Variants in ARNT2 observed in about 807,000 individuals in gnomAD.
ARNT2 encodes ARNT protein 2.
A neutral mutation model predicts 91.7 loss-of-function variants in ARNT2; 36 were observed. That is an observed-to-expected ratio of 0.39 (90% CI 0.30 to 0.52). The LOEUF (loss-of-function observed/expected upper bound fraction) is 0.52. ARNT2 is among the 20% of genes least tolerant of loss of function. The pLI is 0.72. For missense variants in ARNT2, 775 were observed against 939.3 expected (o/e 0.83, Z 2.29); for synonymous variants, 365 against 347.1 (o/e 1.05, Z -0.57).
intron 8 of ARNT2, among the ~76,000 whole-genome samples, chr15:80,533,259 C>G (rs1313678598): frequency 1.3e-5 from 2 of 152,154 alleles, no homozygotes; most frequent in East Asian, 3.8e-4. Flanking sequence ...GAAAGGGGAG[C>G]AGGGGCAGGT....
chr15:80,508,393 C>T (rs768145208), intron 6 of ARNT2, 135 bp downstream of exon 6: 5 of 719,456 alleles, frequency 6.9e-6, no homozygotes, highest in Non-Finnish European at 1.2e-5. Flanking sequence ...GTCTTCTTGA[C>T]CTCAGCATGC....
At chr15:80,538,021 A>G (rs1185034914) in intron 8 of ARNT2, among the ~76,000 whole-genome samples, 2 of 152,200 alleles carry the variant, frequency 1.3e-5, no homozygotes, top group Non-Finnish European at 2.9e-5. Context: ...ATGAAGGAAT[A>G]TTTATGTTGA....
intron 5 of ARNT2, among the ~76,000 whole-genome samples, chr15:80,476,893 C>G (rs184184825): frequency 6.6e-6 from 1 of 152,156 alleles, no homozygotes; most frequent in East Asian, 1.9e-4. Flanking sequence ...ATTGTAATTC[C>G]CAATGTTGGG....
At chr15:80,586,708 A>C (rs1385196276) in intron 17 of ARNT2, among the ~76,000 whole-genome samples, 2 of 152,108 alleles carry the variant, frequency 1.3e-5, no homozygotes, top group Non-Finnish European at 2.9e-5. Flanking sequence ...TCTACTAAAA[A>C]TACAAAAATT....
intron 4 of ARNT2, among the ~76,000 whole-genome samples, chr15:80,473,381 C>G (rs533866513): frequency 2.6e-5 from 4 of 152,176 alleles, no homozygotes; most frequent in African/African-American, 9.6e-5. Flanking sequence ...TAAGACCTCC[C>G]CACAGTCTTT....
intron 5 of ARNT2, among the ~76,000 whole-genome samples, chr15:80,476,049 A>G (rs981704340): frequency 3.3e-5 from 5 of 152,252 alleles, no homozygotes; most frequent in Admixed American, 6.5e-5. Flanking sequence ...ATAAAAACCT[A>G]TTATAAATGG....
In ARNT2 at chr15:80,407,423, G is replaced by T. The variant is rs1367456374; in HGVS notation, c.31+2877G>T. ...CCAAATTTGGAATCTGCTCCTTCAAGGTCCCCTGTTGGGGTTTTAGGTTAG... is the reference window on the plus strand; with the variant it reads ...CCAAATTTGGAATCTGCTCCTTCAATGTCCCCTGTTGGGGTTTTAGGTTAG... On this transcript the variant is annotated intron_variant, in intron 1 of 18. Coordinates refer to ENST00000303329, the MANE Select transcript of ARNT2 (RefSeq NM_014862.4). Among the ~76,000 whole-genome samples the T allele has an allele frequency of 1.2e-4, 18 of 152,296 alleles. No homozygotes were observed. In the South Asian group the frequency reaches 3.7e-3, roughly 32 times the overall value.
intron 12 of ARNT2, 124 bp downstream of exon 12, chr15:80,563,363 A>G: frequency 7.8e-7 from 1 of 1,283,864 alleles, no homozygotes; most frequent in South Asian, 1.3e-5. Flanking sequence ...TCCCTGTAGG[A>G]TTAAGAATAG....
rs756602642 is a variant in ARNT2 at position 80,555,125 on chromosome 15, G to A, written c.1150G>A (p.Glu384Lys). Residue 384 changes from glutamate to lysine, a missense_variant, in exon 11 of 19, where the codon GAG becomes AAG. By Grantham distance (56) the Glu-to-Lys change is moderately conservative (BLOSUM62 1). Transcript: ENST00000303329. ...CCCTGAGGATCAAAGCCATCTGCGT[G>A]AGAGCTTCCAGCAGGTACATACTGC... ...CHPEDQSHLRESFQQVVKLKG... is the reference protein window; with the variant it reads ...CHPEDQSHLRKSFQQVVKLKG... The A allele has an allele frequency of 6.2e-7, 1 of 1,614,206 alleles. No homozygotes were observed. The highest frequency in any genetic ancestry group is 8.5e-7 in the Non-Finnish European group (1 of 1,180,042).
chr15:80,495,404 A>G (rs1340476655), intron 5 of ARNT2, among the ~76,000 whole-genome samples: 2 of 152,214 alleles, frequency 1.3e-5, no homozygotes, highest in Non-Finnish European at 2.9e-5. Context: ...TGAATGTTGG[A>G]TATGAATGCT....
chr15:80,567,839 T>C (rs1695862624), intron 12 of ARNT2, among the ~76,000 whole-genome samples: 1 of 152,188 alleles, frequency 6.6e-6, no homozygotes, highest in African/African-American at 2.4e-5. Flanking sequence ...AAAAGTCTAC[T>C]GTGGACGGTA....
intron 11 of ARNT2, 114 bp from the exon 12 acceptor site, chr15:80,562,974 C>A: frequency 8.6e-7 from 1 of 1,157,582 alleles, no homozygotes; most frequent in Non-Finnish European, 1.3e-6. Context: ...CACAATGCCC[C>A]TATTCTGAGG....
intron 1 of ARNT2, among the ~76,000 whole-genome samples, chr15:80,405,118 G>A (rs1187878595): frequency 6.6e-6 from 1 of 152,240 alleles, no homozygotes; most frequent in Non-Finnish European, 1.5e-5. Flanking sequence ...CCAGCGTGGA[G>A]CAGCCCTGGT....
At position 80,596,339 on chromosome 15, in the gene ARNT2, G is replaced by C. The variant is rs536881622; in HGVS notation, c.*2641G>C. 3 of 152,354 alleles carry C rather than the reference G, an allele frequency of 2.0e-5. No homozygotes were observed. The East Asian group carries it at 5.8e-4, about 29-fold the overall frequency. The allele number at this position is 152,354 out of a possible 1,614,324, so 9.4% of individuals were successfully genotyped here. Reference sequence around the variant, plus strand: ...AGCATAGGCGGGAAATCTGAGTAGAGTCTGACTGCAGTTTTTGCTTATGAT... The same window carrying C: ...AGCATAGGCGGGAAATCTGAGTAGACTCTGACTGCAGTTTTTGCTTATGAT... On this transcript the variant is annotated 3_prime_UTR_variant, in exon 19 of 19. Coordinates refer to ENST00000303329, the MANE Select transcript of ARNT2 (RefSeq NM_014862.4).
chr15:80,404,873 G>T lies in ARNT2; in HGVS notation c.31+327G>T, dbSNP rs1228012086. Among the ~76,000 whole-genome samples, 1 of 152,198 alleles carries T rather than the reference G, an allele frequency of 6.6e-6. No individual in the cohort carries two copies. The highest frequency in any genetic ancestry group is 1.5e-5 in the Non-Finnish European group (1 of 68,016). On this transcript the variant is annotated intron_variant, in intron 1 of 18. Transcript: ENST00000303329. This position sits in a 1 kb window ranked among gnomAD's most constrained non-coding sequence, Gnocchi z 5.5. ...ACCGCCTTTGCCTTCCCCATCCCAC[G>T]CATTTTTCTCTTCCGGTCCCGGCTT...
rs1466034742 is a variant in ARNT2, at chr15:80,475,135, G to T, written c.534G>T (p.Trp178Cys). 5 of 1,614,096 alleles carry T rather than the reference G, an allele frequency of 3.1e-6. No homozygotes were observed. The highest frequency in any genetic ancestry group is 3.4e-6 in the Non-Finnish European group (4 of 1,180,054). ...TTCTGAACCAGCCCCAGTCAGAGTG[G>T]TTTGGGAGCACACTGTATGAACAGG... ...TPVLNQPQSE[W>C]FGSTLYEQVH... Residue 178 changes from tryptophan (W) to cysteine (C), a missense_variant, in exon 5 of 19, where the codon TGG becomes TGT. Coordinates refer to ENST00000303329, the MANE Select transcript of ARNT2 (RefSeq NM_014862.4).
chr15:80,592,384 G>A (rs549282864), intron 18 of ARNT2, among the ~76,000 whole-genome samples: 5 of 152,302 alleles, frequency 3.3e-5, no homozygotes, highest in South Asian at 2.1e-4. Context: ...ATGGAGGTAC[G>A]AGCCCATTAA....
chr15:80,436,338 T>A (rs928677844), intron 1 of ARNT2: 8 of 154,414 alleles, frequency 5.2e-5, no homozygotes, highest in African/African-American at 1.7e-4. Context: ...GGTGATTCCA[T>A]ACGACAAATG....
intron 5 of ARNT2, among the ~76,000 whole-genome samples, chr15:80,506,138 T>G (rs924206799): frequency 6.6e-6 from 1 of 151,830 alleles, no homozygotes; most frequent in Admixed American, 6.6e-5. Context: ...GGGTTTCACC[T>G]TGTTAGCCAG....
Sources: gnomAD v4.1 joint callset for allele counts (sites outside exome capture counted in the v4.1 genomes callset) on GRCh38, gnomAD v4.1.1 for gene constraint, Gnocchi (gnomAD v3.1) non-coding constraint, MANE v1.5 for transcripts, NCBI Gene and HGNC (gene_info 2026-07-23, HGNC 2026-07-21) for gene names.